The following IGF2BP1 variants were observed in gnomAD, a reference collection of about 807,000 sequenced individuals.
The protein encoded by IGF2BP1 is insulin like growth factor 2 mRNA binding protein 1.
Under a neutral mutation model 74.9 loss-of-function variants are expected in IGF2BP1, and 11 were observed. That is an observed-to-expected ratio of 0.15 (90% CI 0.09 to 0.24). IGF2BP1 has a LOEUF of 0.24. IGF2BP1 is among the 10% of genes least tolerant of loss of function. The pLI is 1.00. For synonymous variants in IGF2BP1, 287 were observed against 281.8 expected, an observed-to-expected ratio of 1.02 and a Z score of -0.18; for missense variants, 440 against 757.4, an observed-to-expected ratio of 0.58 and a Z score of 4.92.
intron 5 of IGF2BP1, 92 bp downstream of exon 5, chr17:49,032,065 C>G (rs8079385): frequency 0.17 from 191,709 of 1,134,996 alleles, 17,172 homozygotes; most frequent in African/African-American, 0.26. Flanking sequence ...TCAGGGGGGT[C>G]TAGGCAGGCT....
At chr17:49,042,126 T>C in intron 8 of IGF2BP1, 116 bp from the exon 9 acceptor site, 1 of 1,368,328 alleles carries the variant, frequency 7.3e-7, no homozygotes, top group Non-Finnish European at 1.0e-6. Flanking sequence ...TTGCCAGAAG[T>C]TGAATAGGCT....
chr17:49,015,400 CG>C (rs1364289976), intron 2 of IGF2BP1, among the ~76,000 whole-genome samples: 1 of 152,194 alleles, frequency 6.6e-6, no homozygotes, highest in Non-Finnish European at 1.5e-5. Context: ...ACCTTTCCCT[CG>C]GTCGGAGCTT....
In IGF2BP1 at chr17:48,997,525, G is replaced by A. The variant is rs957534823; in HGVS notation, c.-221G>A. 6.0e-5 allele frequency: 31 copies of A among 516,940 alleles called. No homozygotes were observed. The highest frequency in any genetic ancestry group is 1.0e-4 in the Non-Finnish European group (30 of 293,842). 32.0% of individuals were successfully genotyped at this position (516,940 alleles called of 1,614,324 possible). A position where few individuals can be genotyped will look rare whatever the true frequency, so the allele number is the denominator to read the frequency against. On this transcript the variant is annotated 5_prime_UTR_variant, in exon 1 of 15. Coordinates refer to ENST00000290341, the MANE Select transcript of IGF2BP1 (RefSeq NM_006546.4). The surrounding 1 kb of genome is among the most constrained non-coding windows in gnomAD (Gnocchi z 4.8). ...CGTGTCGTCCGTCTCCCTGCGCGCC[G>A]CGGGCACTTCTCCTGGGCTCTCCCC...
intron 5 of IGF2BP1, chr17:49,036,476 TAA>T (rs201324605): frequency 6.7e-6 from 1 of 150,010 alleles, no homozygotes; most frequent in East Asian, 1.9e-4. Flanking sequence ...TAAAAAATAA[TAA>T]AAAAAAATGG....
In IGF2BP1 at chr17:49,000,440, G is replaced by A. The variant is rs778321815; in HGVS notation, c.236+1271G>A. ...TTGTTACTATGTTTATAGAGCTTGC[G>A]ATTTAACTTCACATGTTTGAAATAC... On this transcript the variant is annotated intron_variant, in intron 2 of 14. Coordinates refer to ENST00000290341, the MANE Select transcript of IGF2BP1 (RefSeq NM_006546.4). Among the ~76,000 whole-genome samples the A allele has an allele frequency of 4.6e-5, 7 of 152,296 alleles. No individual in the cohort carries two copies. The South Asian group carries it at 6.2e-4, about 14-fold the overall frequency.
chr17:49,019,955 T>TAC (rs61213607), intron 2 of IGF2BP1, among the ~76,000 whole-genome samples: 1,931 of 78,404 alleles, frequency 0.025, 71 homozygotes, highest in Non-Finnish European at 0.032. Context: ...TATATTTATA[T>TAC]ACACACACAC....
intron 14 of IGF2BP1, among the ~76,000 whole-genome samples, chr17:49,047,306 G>A: frequency 6.6e-6 from 1 of 151,890 alleles, no homozygotes; most frequent in East Asian, 1.9e-4. Context: ...ATTAACAAGA[G>A]GCTTTAGTTA....
chr17:48,999,031 AGT>A, intron 1 of IGF2BP1, 76 bp from the exon 2 acceptor site: 1 of 831,770 alleles, frequency 1.2e-6, no homozygotes, highest in Non-Finnish European at 2.0e-6. Context: ...GAATTATCCT[AGT>A]GTCTTTTCCC....
chr17:49,024,406 A>G (rs1021616187), intron 2 of IGF2BP1, among the ~76,000 whole-genome samples: 11 of 152,124 alleles, frequency 7.2e-5, no homozygotes, highest in Admixed American at 4.6e-4. Context: ...AGAGCACTTT[A>G]CAAGATTGTT....
rs746705512 is a variant in IGF2BP1 at position 49,043,994 on chromosome 17, G to C, written c.1228G>C (p.Val410Leu). 6.2e-7 allele frequency: 1 copy of C among 1,613,980 alleles called. No homozygotes were observed. Among genetic ancestry groups the C allele is most frequent in the African/African-American group, 1.3e-5 (1 of 74,908 alleles). Residue 410 changes from valine to leucine, a missense_variant, in exon 11 of 15, where the codon GTG (valine) becomes CTG (leucine). By Grantham distance (32) the Val-to-Leu change is conservative. Transcript: ENST00000290341. The part of the protein sequence containing the change: ...MQAPEQEMVQ[V>L]FIPAQAVGAI... ...GGCTCCCGAGCAGGAGATGGTGCAG[G>C]TGTTTATCCCCGCCCAGGCAGTGGG...
intron 3 of IGF2BP1, among the ~76,000 whole-genome samples, chr17:49,026,127 C>T (rs1476154426): frequency 6.6e-6 from 1 of 151,976 alleles, no homozygotes; most frequent in African/African-American, 2.4e-5. Flanking sequence ...AACCCACAGC[C>T]CCATCTTTAG....
At chr17:49,000,088 C>CTGGCTGGGAAGTATA (rs1250093643) in intron 2 of IGF2BP1, among the ~76,000 whole-genome samples, 13 of 152,048 alleles carry the variant, frequency 8.5e-5, no homozygotes, top group Non-Finnish European at 2.9e-5. Context: ...TCCTTGAACT[C>CTGGCTGGGAAGTATA]TGGCTGGGAA....
chr17:49,002,169 C>G (rs1225005750), intron 2 of IGF2BP1, among the ~76,000 whole-genome samples: 1 of 151,984 alleles, frequency 6.6e-6, no homozygotes, highest in Non-Finnish European at 1.5e-5. Flanking sequence ...GGTGGGCTAA[C>G]TCCCTTAAGT....
Position 49,049,605 on chromosome 17 carries a change from C to T in IGF2BP1, c.*161C>T. On this transcript the variant is annotated 3_prime_UTR_variant, in exon 15 of 15. Coordinates refer to ENST00000290341, the MANE Select transcript of IGF2BP1 (RefSeq NM_006546.4). ...TTGAGAAAGATGTTCCAGTGAGGAA[C>T]CCTGATCTCTCAGCCCCAAACACCC... 1 of 611,486 alleles carries T rather than the reference C, an allele frequency of 1.6e-6. No homozygotes were observed. The highest frequency in any genetic ancestry group is 2.9e-6 in the Non-Finnish European group (1 of 345,944). 37.9% of individuals were successfully genotyped at this position (611,486 alleles called of 1,614,324 possible).
At chr17:49,016,095 C>G (rs1288556797) in intron 2 of IGF2BP1, among the ~76,000 whole-genome samples, 4 of 152,228 alleles carry the variant, frequency 2.6e-5, no homozygotes, top group African/African-American at 7.2e-5. Context: ...CTTAACCATA[C>G]AGAATATGGG....
chr17:49,044,904 G>A (rs1420706934), intron 11 of IGF2BP1, 87 bp from the exon 12 acceptor site: 5 of 1,120,264 alleles, frequency 4.5e-6, no homozygotes, highest in Non-Finnish European at 6.8e-6. Context: ...TTGGGAGTAA[G>A]GGTGGTAGAA....
intron 5 of IGF2BP1, among the ~76,000 whole-genome samples, chr17:49,035,457 T>C (rs1344410241): frequency 6.6e-6 from 1 of 152,218 alleles, no homozygotes. Flanking sequence ...AATACTGGTG[T>C]CCTAATTCAG....
At chr17:49,010,836 C>T (rs967370856) in intron 2 of IGF2BP1, among the ~76,000 whole-genome samples, 5 of 151,800 alleles carry the variant, frequency 3.3e-5, no homozygotes, top group African/African-American at 4.8e-5. Context: ...ATGGGAGGCA[C>T]ACAAACTCAG....
At position 49,017,094 on chromosome 17, in the gene IGF2BP1, T is replaced by G. The variant is rs2041714766; in HGVS notation, c.237-8524T>G. ...TCTGGAAAAGGCAGAGGTTGGCACC[T>G]TAGGGCAACTTCCAGATGGGAGCGA... On this transcript the variant is annotated intron_variant, in intron 2 of 14. Transcript: ENST00000290341. 2.0e-5 allele frequency among the ~76,000 whole-genome samples: 3 copies of G among 151,924 alleles called. No homozygotes were observed. The South Asian group carries it at 6.2e-4, about 32-fold the overall frequency.
Sources: gnomAD v4.1 joint callset for allele counts (sites outside exome capture counted in the v4.1 genomes callset) on GRCh38, gnomAD v4.1.1 for gene constraint, Gnocchi (gnomAD v3.1) non-coding constraint, MANE v1.5 for transcripts, NCBI Gene and HGNC (gene_info 2026-07-23, HGNC 2026-07-21) for gene names.